Variants in ASAP2 observed in about 807,000 individuals in gnomAD.
ASAP2 encodes the protein arf-GAP with SH3 domain, ANK repeat and PH domain-containing protein 2.
In ASAP2, 45 loss-of-function variants were observed where a neutral mutation model predicts 131.4. That is an observed-to-expected ratio of 0.34 (90% confidence interval 0.27 to 0.44). The LOEUF (loss-of-function observed/expected upper bound fraction) is 0.44. Ranked by LOEUF, ASAP2 falls within the 20% of genes least tolerant of loss-of-function variation. The probability of loss-of-function intolerance (pLI) is 1.00; values close to 1 mark genes in which losing one functional copy is unlikely to be tolerated. For missense variants in ASAP2, 1,011 were observed against 1,297.0 expected (o/e 0.78, Z 3.39); for synonymous variants, 510 against 503.0 (o/e 1.01, Z -0.19).
Position 9,332,373 on chromosome 2 carries a change from A to T in ASAP2, c.687-2365A>T, listed in dbSNP as rs1487978612. On this transcript the variant is annotated intron_variant, in intron 7 of 27. Transcript: ENST00000281419. ...AAGGGGCGTCTGGGTGCCAAGACAC[A>T]CCTCAAGGAGGGTACGGGAAGGTCA... Among the ~76,000 whole-genome samples, 3 of 152,138 alleles carry T rather than the reference A, an allele frequency of 2.0e-5. No individual in the cohort carries two copies. The East Asian group carries it at 5.8e-4, about 29-fold the overall frequency.
chr2:9,364,110 T>G (rs550928425), intron 15 of ASAP2, among the ~76,000 whole-genome samples: 3 of 152,340 alleles, frequency 2.0e-5, no homozygotes, highest in Admixed American at 6.5e-5. Context: ...AAAAACAGTA[T>G]CACTGGTACT....
chr2:9,276,051 A>G (rs1239624588), intron 1 of ASAP2, among the ~76,000 whole-genome samples: 1 of 152,098 alleles, frequency 6.6e-6, no homozygotes, highest in African/African-American at 2.4e-5. Flanking sequence ...TCCTGTTTTC[A>G]TCGTTAATTT....
In ASAP2 at chr2:9,391,154, G is replaced by A. The variant is rs1348892147; in HGVS notation, c.2476G>A (p.Ala826Thr). Residue 826 changes from alanine to threonine, a missense_variant, in exon 23 of 28, where the codon GCT (alanine) becomes ACT (threonine). Transcript: ENST00000281419. ...GCAGCGATCTTCGTCAGATCCGCCAGCTGTCCATCCACCGCTGCCCCCTCT... is the reference window on the plus strand; with the variant it reads ...GCAGCGATCTTCGTCAGATCCGCCAACTGTCCATCCACCGCTGCCCCCTCT... ...SRQRSSSDPPAVHPPLPPLRV... is the reference protein window; with the variant it reads ...SRQRSSSDPPTVHPPLPPLRV... 4.3e-6 allele frequency: 7 copies of A among 1,614,098 alleles called. No individual in the cohort carries two copies. Among genetic ancestry groups the A allele is most frequent in the Non-Finnish European group, 5.9e-6 (7 of 1,180,044 alleles).
chr2:9,313,718 G>A (rs562372661), intron 3 of ASAP2, among the ~76,000 whole-genome samples: 2 of 152,300 alleles, frequency 1.3e-5, no homozygotes, highest in African/African-American at 4.8e-5. Context: ...TTGTATGATC[G>A]TGTAGATGAG....
chr2:9,391,667 C>T (rs1461250491), intron 23 of ASAP2, among the ~76,000 whole-genome samples: 1 of 151,270 alleles, frequency 6.6e-6, no homozygotes, highest in African/African-American at 2.4e-5. Flanking sequence ...CTCTGCCTCC[C>T]GGGTTCAAGA....
intron 11 of ASAP2, among the ~76,000 whole-genome samples, chr2:9,348,939 T>C (rs1436020436): frequency 6.6e-6 from 1 of 152,236 alleles, no homozygotes; most frequent in East Asian, 1.9e-4. Flanking sequence ...AGGGTGGCAG[T>C]TGAGCCCCGA....
chr2:9,393,412 C>T (rs1675866354), intron 23 of ASAP2, 70 bp from the exon 24 acceptor site: 5 of 1,357,044 alleles, frequency 3.7e-6, no homozygotes, highest in South Asian at 1.5e-5. Context: ...TCAGAAAAGC[C>T]TCCAGTGAGG....
rs1297533730 is a variant in ASAP2 at position 9,281,184 on chromosome 2, C to T, written c.199+1795C>T. 6.6e-6 allele frequency among the ~76,000 whole-genome samples: 1 copy of T among 151,040 alleles called. No homozygotes were observed. The highest frequency in any genetic ancestry group is 2.4e-5 in the African/African-American group (1 of 41,036). Reference sequence around the variant, plus strand: ...TCACTTGGACTTTTTGAGTTTATAACTTGAGGGATATTTGATATTCTGGTC... The same window carrying T: ...TCACTTGGACTTTTTGAGTTTATAATTTGAGGGATATTTGATATTCTGGTC... On this transcript the variant is annotated intron_variant, in intron 2 of 27. Transcript: ENST00000281419. This position sits in a 1 kb window ranked among gnomAD's most constrained non-coding sequence, Gnocchi z 4.0.
At position 9,254,669 on chromosome 2, in the gene ASAP2, C is replaced by T. The variant is rs1377275054; in HGVS notation, c.127-24648C>T. Among the ~76,000 whole-genome samples, 4 of 151,026 alleles carry T rather than the reference C, an allele frequency of 2.6e-5. No individual in the cohort carries two copies. The East Asian group carries it at 5.8e-4, about 22-fold the overall frequency. ...GATTACAGGTTTGAGCCACCGTCCC[C>T]GGCCTATAAACTAAACTTTATCAGA... On this transcript the variant is annotated intron_variant, in intron 1 of 27. Transcript: ENST00000281419.
chr2:9,267,829 C>T (rs564065905), intron 1 of ASAP2, among the ~76,000 whole-genome samples: 54 of 135,074 alleles, frequency 4.0e-4, no homozygotes, highest in Non-Finnish European at 6.5e-4. Context: ...ACCCAGGAGG[C>T]AGAGGTTGTA....
At chr2:9,209,903 A>G (rs1282166800) in intron 1 of ASAP2, among the ~76,000 whole-genome samples, 1 of 152,192 alleles carries the variant, frequency 6.6e-6, no homozygotes, top group African/African-American at 2.4e-5. Flanking sequence ...ACCTTTTTGA[A>G]TCTGTTATTT....
At chr2:9,308,216 C>T (rs969689357) in intron 3 of ASAP2, among the ~76,000 whole-genome samples, 50 of 152,168 alleles carry the variant, frequency 3.3e-4, no homozygotes, top group Non-Finnish European at 5.4e-4. Flanking sequence ...CTGCTCTGCT[C>T]GGCTTCTGGG....
intron 15 of ASAP2, among the ~76,000 whole-genome samples, chr2:9,360,350 T>G (rs899498585): frequency 2.6e-5 from 4 of 152,210 alleles, no homozygotes; most frequent in African/African-American, 9.7e-5. Flanking sequence ...AATGTTTCAG[T>G]ATGCCTAGGG....
In ASAP2 at chr2:9,360,668, A is replaced by T. The variant is rs1025072653; in HGVS notation, c.1461+1779A>T. Among the ~76,000 whole-genome samples, 4 of 152,226 alleles carry T rather than the reference A, an allele frequency of 2.6e-5. No individual in the cohort carries two copies. The South Asian group carries it at 8.3e-4, about 32-fold the overall frequency. ...TTACTCAATGTGAAGTTGGAAAAAGATGTTCATTATATAGTACATTCACTA... is the reference window on the plus strand; with the variant it reads ...TTACTCAATGTGAAGTTGGAAAAAGTTGTTCATTATATAGTACATTCACTA... On this transcript the variant is annotated intron_variant, in intron 15 of 27. Transcript: ENST00000281419.
At chr2:9,265,863 C>T (rs569773804) in intron 1 of ASAP2, among the ~76,000 whole-genome samples, 5 of 152,230 alleles carry the variant, frequency 3.3e-5, no homozygotes, top group Non-Finnish European at 7.3e-5. Context: ...ACCTCCACCT[C>T]CCCGGTTCAA....
At chr2:9,245,830 G>A (rs1254377717) in intron 1 of ASAP2, among the ~76,000 whole-genome samples, 3 of 152,206 alleles carry the variant, frequency 2.0e-5, no homozygotes, top group Non-Finnish European at 2.9e-5. Context: ...TGTTTTCTTC[G>A]CCACCAGATC....
chr2:9,310,773 A>C (rs1458481428), intron 3 of ASAP2, among the ~76,000 whole-genome samples: 1 of 152,142 alleles, frequency 6.6e-6, no homozygotes, highest in African/African-American at 2.4e-5. Context: ...GATCCCCACC[A>C]CCACCATCCA....
At chr2:9,357,491 A>G (rs1160009077) in intron 14 of ASAP2, among the ~76,000 whole-genome samples, 1 of 152,080 alleles carries the variant, frequency 6.6e-6, no homozygotes, top group Non-Finnish European at 1.5e-5. Context: ...ACAAACAAAC[A>G]AAAAACCCGA....
chr2:9,279,454 G>A (rs10193254), intron 2 of ASAP2, 65 bp downstream of exon 2: 134,883 of 1,462,568 alleles, frequency 0.092, 6,666 homozygotes, highest in Admixed American at 0.16. Flanking sequence ...TCCTGGTACC[G>A]TAATATTGAT....
Sources: allele counts gnomAD v4.1 joint callset (sites outside exome capture counted in the v4.1 genomes callset), GRCh38; gene constraint gnomAD v4.1.1; non-coding constraint Gnocchi (gnomAD v3.1); transcripts MANE v1.5; gene names NCBI Gene and HGNC (gene_info 2026-07-23, HGNC 2026-07-21).